The following GALNT10 variants were observed in gnomAD, a reference collection of about 807,000 sequenced individuals.
GALNT10 encodes the protein polypeptide N-acetylgalactosaminyltransferase 10, also known as GalNAc transferase 10.
GALNT10 carries 41 observed loss-of-function variants against 75.0 expected under a neutral mutation model. The ratio of observed to expected loss-of-function variants is 0.55; its 90% CI spans 0.43 to 0.71. The LOEUF is 0.71. Among genes scored for constraint, GALNT10 ranks in the 30% least tolerant of loss-of-function variants. The probability of loss-of-function intolerance (pLI) is 0.00; values close to 1 mark genes in which losing one functional copy is unlikely to be tolerated. For synonymous variants in GALNT10, 302 were observed against 313.0 expected, an observed-to-expected ratio of 0.96 and a Z score of 0.37; for missense variants, 727 against 818.5, an observed-to-expected ratio of 0.89 and a Z score of 1.36.
intron 1 of GALNT10, among the ~76,000 whole-genome samples, chr5:154,259,343 G>C (rs1282210043): frequency 6.6e-6 from 1 of 152,156 alleles, no homozygotes; most frequent in Admixed American, 6.6e-5. Flanking sequence ...GAAGTGAGAT[G>C]TTTACCTTCT....
intron 4 of GALNT10, among the ~76,000 whole-genome samples, chr5:154,355,357 C>T (rs1364244812): frequency 6.6e-6 from 1 of 152,238 alleles, no homozygotes; most frequent in African/African-American, 2.4e-5. Flanking sequence ...CAATCAGGCC[C>T]TCTGCCTTCT....
rs148625984 is a variant in GALNT10 at position 154,393,366 on chromosome 5, G to A, written c.1056+6936G>A. On this transcript the variant is annotated intron_variant, in intron 7 of 11. Coordinates refer to ENST00000297107, the MANE Select transcript of GALNT10 (RefSeq NM_198321.4). ...TGGCATTACAGGTATGAGCCACCGCGCCCAGCCCATCTCACTTCTGAAAAT... is the reference window on the plus strand; with the variant it reads ...TGGCATTACAGGTATGAGCCACCGCACCCAGCCCATCTCACTTCTGAAAAT... Among the ~76,000 whole-genome samples the A allele has an allele frequency of 2.2e-3, 331 of 152,218 alleles. 1 individual carries two copies. The highest frequency in any genetic ancestry group is 3.7e-3 in the Non-Finnish European group (249 of 68,008).
At chr5:154,391,246 C>G (rs1755891354) in intron 7 of GALNT10, among the ~76,000 whole-genome samples, 1 of 152,236 alleles carries the variant, frequency 6.6e-6, no homozygotes, top group Non-Finnish European at 1.5e-5. Flanking sequence ...CCCTCTGATT[C>G]ATCTCTGCTA....
intron 1 of GALNT10, among the ~76,000 whole-genome samples, chr5:154,256,581 T>C (rs1009277226): frequency 1.5e-4 from 23 of 152,142 alleles, no homozygotes; most frequent in African/African-American, 5.1e-4. Context: ...TGAAGATCCA[T>C]AAGATGAATA....
intron 1 of GALNT10, among the ~76,000 whole-genome samples, chr5:154,262,788 A>C (rs185022952): frequency 6.6e-6 from 1 of 152,314 alleles, no homozygotes; most frequent in East Asian, 1.9e-4. Flanking sequence ...TTAGGATCCT[A>C]TCAGAATCAG....
At chr5:154,293,611 A>ATTTTTTTTTTTTTTTTTTTTTTTTTTTTT (rs912343114) in intron 1 of GALNT10, among the ~76,000 whole-genome samples, 1 of 96,704 alleles carries the variant, frequency 1.0e-5, no homozygotes, top group Non-Finnish European at 2.3e-5. Context: ...ATATATATAT[A>ATTTTTTTTTTTTTTTTTTTTTTTTTTTTT]TATTTTTTTT....
intron 4 of GALNT10, among the ~76,000 whole-genome samples, chr5:154,330,454 C>A (rs1754838443): frequency 6.6e-6 from 1 of 152,174 alleles, no homozygotes; most frequent in Non-Finnish European, 1.5e-5. Flanking sequence ...AAAACTGAGA[C>A]CCAGAGAAGT....
chr5:154,246,222 A>G (rs956663730), intron 1 of GALNT10, among the ~76,000 whole-genome samples: 4 of 151,920 alleles, frequency 2.6e-5, no homozygotes, highest in Admixed American at 6.6e-5. Context: ...TGGACATTTG[A>G]GTTGGTTCCA....
intron 1 of GALNT10, among the ~76,000 whole-genome samples, chr5:154,206,988 A>G (rs1370298281): frequency 6.6e-6 from 1 of 152,216 alleles, no homozygotes; most frequent in African/African-American, 2.4e-5. Context: ...ATGCTATGCT[A>G]GGTTCTGAGG....
chr5:154,260,487 CTTAA>C (rs1753685490), intron 1 of GALNT10, among the ~76,000 whole-genome samples: 1 of 152,152 alleles, frequency 6.6e-6, no homozygotes, highest in Non-Finnish European at 1.5e-5. Context: ...GCCTTTGTTA[CTTAA>C]TTAGTCTCCT....
At chr5:154,218,391 CTG>C (rs1370054235) in intron 1 of GALNT10, among the ~76,000 whole-genome samples, 2 of 152,220 alleles carry the variant, frequency 1.3e-5, no homozygotes, top group Admixed American at 6.5e-5. Flanking sequence ...ATTCCAGCCT[CTG>C]TGCTGTTTCC....
At chr5:154,191,597 C>T (rs1306180355) in intron 1 of GALNT10, among the ~76,000 whole-genome samples, 1 of 152,142 alleles carries the variant, frequency 6.6e-6, no homozygotes, top group Non-Finnish European at 1.5e-5. Flanking sequence ...TTTCTCAGAT[C>T]CTGTGGATTC....
intron 3 of GALNT10, among the ~76,000 whole-genome samples, chr5:154,306,190 T>C (rs1361080149): frequency 6.6e-6 from 1 of 152,082 alleles, no homozygotes; most frequent in Non-Finnish European, 1.5e-5. Flanking sequence ...AATTGACATT[T>C]ATAGAACACT....
At chr5:154,290,066 C>T (rs1754170592) in intron 1 of GALNT10, among the ~76,000 whole-genome samples, 1 of 151,480 alleles carries the variant, frequency 6.6e-6, no homozygotes, top group Non-Finnish European at 1.5e-5. Flanking sequence ...ATTCTTAGGG[C>T]CCTTCAGGCT....
At position 154,380,639 on chromosome 5, in the gene GALNT10, T is replaced by C. The variant is rs749227154; in HGVS notation, c.938+8T>C. ...CCCCAGCGACCCATTTGAGTAAGTA[T>C]GAACAACCCTGGCTGGTCCCAGTGG... On this transcript the variant is annotated splice_region_variant and intron_variant, in intron 6 of 11. Coordinates refer to ENST00000297107, the MANE Select transcript of GALNT10 (RefSeq NM_198321.4). The C allele has an allele frequency of 6.2e-7, 1 of 1,602,058 alleles. No homozygotes were observed.
chr5:154,365,261 A>G (rs566035787), intron 4 of GALNT10, among the ~76,000 whole-genome samples: 1 of 152,338 alleles, frequency 6.6e-6, no homozygotes, highest in South Asian at 2.1e-4. Flanking sequence ...TTCAGGCCAA[A>G]TACCTGCACC....
At chr5:154,377,961 GGCTCGAA>G (rs1755682138) in intron 5 of GALNT10, among the ~76,000 whole-genome samples, 1 of 152,138 alleles carries the variant, frequency 6.6e-6, no homozygotes, top group African/African-American at 2.4e-5. Flanking sequence ...GAAGTGGTGG[GGCTCGAA>G]GCTGAGCTTG....
intron 4 of GALNT10, chr5:154,347,058 C>A: frequency 2.3e-6 from 1 of 433,736 alleles, no homozygotes; most frequent in Non-Finnish European, 4.7e-6. Flanking sequence ...CTTAAACCAT[C>A]ATTAATAATA....
chr5:154,271,150 G>A (rs979990117), intron 1 of GALNT10, among the ~76,000 whole-genome samples: 2 of 152,120 alleles, frequency 1.3e-5, no homozygotes, highest in Non-Finnish European at 2.9e-5. Flanking sequence ...ATGAGGCTGG[G>A]GCTGTATGTA....
Sources: gnomAD v4.1 joint callset for allele counts (sites outside exome capture counted in the v4.1 genomes callset) on GRCh38, gnomAD v4.1.1 for gene constraint, MANE v1.5 for transcripts, NCBI Gene and HGNC (gene_info 2026-07-23, HGNC 2026-07-21) for gene names.